NRXN3: variants seen among roughly 807,000 people sequenced by gnomAD.
NRXN3 encodes the protein neurexin III.
NRXN3 carries 32 observed loss-of-function variants against 137.6 expected under a neutral mutation model. The observed-to-expected ratio is 0.23, with a 90% CI of 0.18 to 0.31. The LOEUF (loss-of-function observed/expected upper bound fraction) is 0.31. Among genes scored for constraint, NRXN3 ranks in the 10% least tolerant of loss-of-function variants. The pLI is 1.00. For synonymous variants in NRXN3, 798 were observed against 784.5 expected (o/e 1.02, Z -0.29); for missense variants, 1,574 against 2,062.5 (o/e 0.76, Z 4.59).
chr14:79,743,641 A>G (rs1056154048), intron 19 of NRXN3, among the ~76,000 whole-genome samples: 1 of 152,182 alleles, frequency 6.6e-6, no homozygotes. Context: ...TTTTTAGCTC[A>G]TCTCAGGGTC....
Position 78,718,272 on chromosome 14 carries a change from T to G in NRXN3, c.2044+3133T>G, listed in dbSNP as rs544195255. Among the ~76,000 whole-genome samples, 8 of 152,302 alleles carry G rather than the reference T, an allele frequency of 5.3e-5. No individual in the cohort carries two copies. In the South Asian group the frequency reaches 1.5e-3, roughly 28 times the overall value. On this transcript the variant is annotated intron_variant, in intron 8 of 20. Coordinates refer to ENST00000335750, the MANE Select transcript of NRXN3 (RefSeq NM_001330195.2). ...CAGTAGCTCAAACTGTGTTCTCTAC[T>G]GGAACTTCCTTGGGGGTGAGTCCAT... is the stretch of plus-strand genomic sequence containing the variant.
chr14:78,322,707 A>T (rs1219204580), intron 4 of NRXN3, among the ~76,000 whole-genome samples: 1 of 151,978 alleles, frequency 6.6e-6, no homozygotes, highest in Non-Finnish European at 1.5e-5. Flanking sequence ...CCTTGGCTAG[A>T]ACCCCACCCT....
chr14:78,361,097 A>G (rs1313743479), intron 4 of NRXN3, among the ~76,000 whole-genome samples: 2 of 152,242 alleles, frequency 1.3e-5, no homozygotes, highest in Non-Finnish European at 2.9e-5. Context: ...ATAAGAAAGC[A>G]TTCAAAGCTG....
intron 4 of NRXN3, among the ~76,000 whole-genome samples, chr14:78,340,474 T>A (rs1360167535): frequency 6.6e-6 from 1 of 152,192 alleles, no homozygotes; most frequent in Non-Finnish European, 1.5e-5. Context: ...CCAGGTCTAT[T>A]GCTGGGGTCA....
chr14:78,374,870 A>G (rs1255884396), intron 4 of NRXN3, among the ~76,000 whole-genome samples: 1 of 152,084 alleles, frequency 6.6e-6, no homozygotes, highest in East Asian at 1.9e-4. Context: ...TATTTGAGAC[A>G]TGTTCTATAA....
chr14:79,622,159 C>T (rs2098231282), intron 16 of NRXN3, among the ~76,000 whole-genome samples: 1 of 152,110 alleles, frequency 6.6e-6, no homozygotes, highest in Non-Finnish European at 1.5e-5. Flanking sequence ...GCTCATAGTC[C>T]ATGCAGAAGA....
At chr14:78,452,537 TG>T (rs1567632563) in intron 4 of NRXN3, among the ~76,000 whole-genome samples, 1 of 152,160 alleles carries the variant, frequency 6.6e-6, no homozygotes, top group Non-Finnish European at 1.5e-5. Context: ...GAGGAATATG[TG>T]GAGGATCTTT....
intron 15 of NRXN3, among the ~76,000 whole-genome samples, chr14:79,026,971 TATATATATATA>T (rs2099599401): frequency 0.014 from 7 of 516 alleles, no homozygotes; most frequent in Non-Finnish European, 0.078. Context: ...TATATATATA[TATATATATATA>T]TATATATATA....
At chr14:79,149,104 G>A (rs2153025053) in intron 15 of NRXN3, among the ~76,000 whole-genome samples, 2 of 152,166 alleles carry the variant, frequency 1.3e-5, no homozygotes, top group Middle Eastern at 6.8e-3. Context: ...AAGTGTTTCA[G>A]TAAATATTAC....
intron 15 of NRXN3, among the ~76,000 whole-genome samples, chr14:78,996,129 A>G (rs1373491348): frequency 6.6e-6 from 1 of 152,116 alleles, no homozygotes; most frequent in African/African-American, 2.4e-5. Flanking sequence ...TATGTTTTGG[A>G]TAATTTTTAT....
chr14:78,392,360 G>A (rs1157004381), intron 4 of NRXN3, among the ~76,000 whole-genome samples: 1 of 152,196 alleles, frequency 6.6e-6, no homozygotes, highest in Non-Finnish European at 1.5e-5. Flanking sequence ...AGCCCTAAAA[G>A]TTGATAAGTG....
Position 79,085,268 on chromosome 14 carries a change from T to C in NRXN3, c.3262+97127T>C, listed in dbSNP as rs1490076983. 3.3e-5 allele frequency among the ~76,000 whole-genome samples: 5 copies of C among 152,212 alleles called. No homozygotes were observed. The East Asian group carries it at 7.7e-4, about 23-fold the overall frequency. ...TCATTTATGGTTACCTACTGTTAAA[T>C]AGTTGTTTAATTTGTTGTCTTCAGC... On this transcript the variant is annotated intron_variant, in intron 15 of 20. Transcript: ENST00000335750.
chr14:78,881,241 A>G (rs1160861129), intron 10 of NRXN3, among the ~76,000 whole-genome samples: 1 of 151,690 alleles, frequency 6.6e-6, no homozygotes, highest in Non-Finnish European at 1.5e-5. Flanking sequence ...ATGGACTAAT[A>G]CAGTAAATTG....
intron 10 of NRXN3, among the ~76,000 whole-genome samples, chr14:78,844,595 T>G (rs2099021391): frequency 6.6e-6 from 1 of 152,118 alleles, no homozygotes; most frequent in African/African-American, 2.4e-5. Context: ...AATATATGTA[T>G]TTATATATAT....
At chr14:78,395,622 A>G (rs2091364787) in intron 4 of NRXN3, among the ~76,000 whole-genome samples, 1 of 151,098 alleles carries the variant, frequency 6.6e-6, no homozygotes, top group Non-Finnish European at 1.5e-5. Context: ...GAAGTCTAAA[A>G]CTCTAATTGG....
chr14:79,722,216 C>A (rs1204300441), intron 19 of NRXN3, among the ~76,000 whole-genome samples: 1 of 152,016 alleles, frequency 6.6e-6, no homozygotes, highest in Non-Finnish European at 1.5e-5. Flanking sequence ...TTCCTTCTGA[C>A]TTTAGTAATG....
chr14:79,848,869 A>G (rs186282842), intron 20 of NRXN3, among the ~76,000 whole-genome samples: 39 of 152,258 alleles, frequency 2.6e-4, no homozygotes, highest in African/African-American at 9.1e-4. Context: ...TCTCAAATCC[A>G]TCTGGCTATT....
At chr14:78,587,533 T>C (rs2097077495) in intron 4 of NRXN3, among the ~76,000 whole-genome samples, 1 of 152,210 alleles carries the variant, frequency 6.6e-6, no homozygotes, top group African/African-American at 2.4e-5. Flanking sequence ...TCCAGGCGAT[T>C]CTGATTATGC....
intron 4 of NRXN3, among the ~76,000 whole-genome samples, chr14:78,401,154 G>A (rs1035328674): frequency 2.6e-5 from 4 of 152,058 alleles, no homozygotes; most frequent in South Asian, 2.1e-4. Context: ...CACTAGTGGG[G>A]TCCCAAAATG....
Sources: allele counts gnomAD v4.1 joint callset (sites outside exome capture counted in the v4.1 genomes callset), GRCh38; gene constraint gnomAD v4.1.1; transcripts MANE v1.5; gene names NCBI Gene and HGNC (gene_info 2026-07-23, HGNC 2026-07-21).